Variants in NGLY1 observed in about 807,000 individuals in gnomAD.
NGLY1 encodes the protein peptide-N(4)-(N-acetyl-beta-glucosaminyl)asparagine amidase.
A neutral mutation model predicts 84.6 loss-of-function variants in NGLY1; 68 were observed. The observed-to-expected ratio is 0.80, with a 90% CI of 0.66 to 0.98. NGLY1 has a LOEUF of 0.98. Ranked by LOEUF, NGLY1 falls within the 50% of genes least tolerant of loss-of-function variation. The probability of loss-of-function intolerance (pLI) is 0.00; values close to 1 mark genes in which losing one functional copy is unlikely to be tolerated. For synonymous variants in NGLY1, 280 were observed against 275.2 expected (o/e 1.02, Z -0.17); for missense variants, 779 against 770.2 (o/e 1.01, Z -0.14).
rs1708515099 is a variant in NGLY1 at position 25,783,386 on chromosome 3, G to C, written c.5C>G (p.Ala2Gly). The stretch of plus-strand genomic sequence containing the variant: ...TGAGGAGCTGCCCAATGCCGCCGCC[G>C]CCATGCTTGAGCGCCAGCGGGCGCC... M[A>G]AAALGSSSGS... The change falls in exon 1 of 12, where the codon GCG becomes GGG. Residue 2 changes from alanine to glycine, a missense_variant. Ala to Gly is a moderately conservative substitution (Grantham distance 60). Coordinates refer to ENST00000280700, the MANE Select transcript of NGLY1 (RefSeq NM_018297.4). This position sits in a 1 kb window ranked among gnomAD's most constrained non-coding sequence, Gnocchi z 4.5. The C allele has an allele frequency of 1.3e-6, 2 of 1,537,236 alleles. No homozygotes were observed. Among genetic ancestry groups the C allele is most frequent in the Non-Finnish European group, 1.8e-6 (2 of 1,142,708 alleles).
At chr3:25,755,467 A>G (rs1706993533) in intron 3 of NGLY1, 3 of 1,465,002 alleles carry the variant, frequency 2.0e-6, no homozygotes, top group Non-Finnish European at 2.9e-6. Flanking sequence ...CAAGCCAAAG[A>G]TTTAACAGTG....
chr3:25,753,130 T>C (rs960355243), intron 3 of NGLY1, among the ~76,000 whole-genome samples: 2 of 152,096 alleles, frequency 1.3e-5, no homozygotes, highest in Non-Finnish European at 2.9e-5. Flanking sequence ...CATATAATGA[T>C]GACATTTTAC....
intron 3 of NGLY1, among the ~76,000 whole-genome samples, chr3:25,761,838 T>C (rs1476977944): frequency 6.6e-6 from 1 of 152,144 alleles, no homozygotes; most frequent in Non-Finnish European, 1.5e-5. Flanking sequence ...GGAAACAATA[T>C]GTGGCATATC....
chr3:25,734,151 C>A, intron 7 of NGLY1, 169 bp from the exon 8 acceptor site: 1 of 786,900 alleles, frequency 1.3e-6, no homozygotes, highest in Non-Finnish European at 1.9e-6. Context: ...ACTGCAGTCT[C>A]ACTTCCCAGG....
chr3:25,752,672 A>C (rs1221642826), intron 3 of NGLY1, among the ~76,000 whole-genome samples: 2 of 151,602 alleles, frequency 1.3e-5, no homozygotes, highest in African/African-American at 4.8e-5. Context: ...TAAGTAGTCA[A>C]GCATAGTGTT....
At chr3:25,749,011 A>C (rs910414061) in intron 4 of NGLY1, among the ~76,000 whole-genome samples, 3 of 152,244 alleles carry the variant, frequency 2.0e-5, no homozygotes, top group African/African-American at 7.2e-5. Context: ...CAATATCATG[A>C]ATTAGGAAAA....
At chr3:25,774,260 T>A (rs760500194) in intron 2 of NGLY1, among the ~76,000 whole-genome samples, 1 of 152,180 alleles carries the variant, frequency 6.6e-6, no homozygotes, top group African/African-American at 2.4e-5. Context: ...CAGAAGGTGA[T>A]GCTTTCAAGA....
chr3:25,742,878 A>G (rs1706221387), intron 4 of NGLY1, among the ~76,000 whole-genome samples: 1 of 98,448 alleles, frequency 1.0e-5, no homozygotes, highest in Admixed American at 1.6e-4. Flanking sequence ...TAGTTACCTT[A>G]TGTGGCAAAA....
chr3:25,740,720 A>G (rs1197337212), intron 4 of NGLY1, among the ~76,000 whole-genome samples: 3 of 152,146 alleles, frequency 2.0e-5, no homozygotes, highest in African/African-American at 7.2e-5. Flanking sequence ...AAGGCCAGAA[A>G]TATTTATGTT....
chr3:25,729,010 T>C (rs543518720), intron 10 of NGLY1, 123 bp downstream of exon 10: 13 of 580,530 alleles, frequency 2.2e-5, no homozygotes, highest in East Asian at 1.7e-4. Flanking sequence ...TTCCAGGTTA[T>C]AGGATTACTG....
rs3821627 is a variant in NGLY1, at chr3:25,731,168, T to C, written c.1425+1151A>G. 2.0e-4 allele frequency among the ~76,000 whole-genome samples: 31 copies of C among 152,200 alleles called. No homozygotes were observed. In the East Asian group the frequency reaches 5.4e-3, roughly 27 times the overall value. ...CCAATATCAGATATATGCAAGCATA[T>C]ACCAAGAAATAAACACTTTCATCAG... On this transcript the variant is annotated intron_variant, in intron 9 of 11. Transcript: ENST00000280700.
chr3:25,736,551 C>A, intron 6 of NGLY1: 1 of 558,878 alleles, frequency 1.8e-6, no homozygotes, highest in Non-Finnish European at 3.2e-6. Context: ...AATCTCTGGT[C>A]AATACATGCT....
chr3:25,739,619 T>A lies in NGLY1; in HGVS notation c.839A>T (p.Asp280Val). The A allele has an allele frequency of 6.2e-7, 1 of 1,614,128 alleles. No individual in the cohort carries two copies. The highest frequency in any genetic ancestry group is 1.1e-5 in the South Asian group (1 of 91,088). Residue 280 changes from aspartate (D) to valine (V), a missense_variant, in exon 5 of 12, where the codon GAT becomes GTT. Physicochemically the swap from Asp to Val is radical, Grantham distance 152 (BLOSUM62 -3). Transcript: ENST00000280700. ...ELKWGAKEVE[D>V]HYCDACQFSN... is the part of the protein sequence containing the mutation. ...GAACTGGCAGGCATCACAGTAATGA[T>A]CTTCCACTTCCTTTGCACCCCACTT...
intron 3 of NGLY1, chr3:25,755,736 A>C: frequency 9.6e-7 from 1 of 1,036,484 alleles, no homozygotes; most frequent in Non-Finnish European, 1.4e-6. Context: ...TGAGCCCAAT[A>C]TACTGAACTA....
At chr3:25,747,870 G>C (rs1706518613) in intron 4 of NGLY1, among the ~76,000 whole-genome samples, 1 of 152,222 alleles carries the variant, frequency 6.6e-6, no homozygotes, top group South Asian at 2.1e-4. Flanking sequence ...GTATGGACTA[G>C]CTTGGGAGTA....
chr3:25,786,121 G>A (rs149808103), upstream of NGLY1, among the ~76,000 whole-genome samples: 6 of 152,250 alleles, frequency 3.9e-5, no homozygotes, highest in African/African-American at 9.6e-5. Context: ...CAAACCAATC[G>A]TGGGGAAAAT....
intron 1 of NGLY1, among the ~76,000 whole-genome samples, chr3:25,789,608 T>C (rs1234958039): frequency 6.6e-6 from 1 of 152,228 alleles, no homozygotes; most frequent in African/African-American, 2.4e-5. Flanking sequence ...TTTAAACGGC[T>C]GCATGGCATT....
At chr3:25,771,208 A>C (rs1707877707) in intron 2 of NGLY1, among the ~76,000 whole-genome samples, 1 of 152,178 alleles carries the variant, frequency 6.6e-6, no homozygotes, top group Non-Finnish European at 1.5e-5. Context: ...ATACAGCTCC[A>C]GTTGATTTTT....
rs1382971775 is a variant in NGLY1, at chr3:25,783,431, C to G, written c.-41G>C. The G allele has an allele frequency of 6.6e-7, 1 of 1,512,310 alleles. No individual in the cohort carries two copies. The highest frequency in any genetic ancestry group is 8.8e-7 in the Non-Finnish European group (1 of 1,131,792). 93.7% of individuals were successfully genotyped at this position (1,512,310 alleles called of 1,614,324 possible). ...GGCGCCGCCGCCGCCCCTCGCTCTCCGCGTCCCACACTGAGCAGGCGCCTC... is the reference window on the plus strand; with the variant it reads ...GGCGCCGCCGCCGCCCCTCGCTCTCGGCGTCCCACACTGAGCAGGCGCCTC... On this transcript the variant is annotated 5_prime_UTR_variant, in exon 1 of 12. Transcript: ENST00000280700. The surrounding 1 kb of genome is among the most constrained non-coding windows in gnomAD (Gnocchi z 4.5).
Sources: allele counts gnomAD v4.1 joint callset (sites outside exome capture counted in the v4.1 genomes callset), GRCh38; gene constraint gnomAD v4.1.1; non-coding constraint Gnocchi (gnomAD v3.1); transcripts MANE v1.5; gene names NCBI Gene and HGNC (gene_info 2026-07-23, HGNC 2026-07-21).